Variants in ACAP3 observed in about 807,000 individuals in gnomAD.
ACAP3 encodes the protein arf-GAP with coiled-coil, ANK repeat and PH domain-containing protein 3.
Under a neutral mutation model 104.1 loss-of-function variants are expected in ACAP3, and 56 were observed. The observed-to-expected ratio is 0.54, with a 90% CI of 0.43 to 0.67. ACAP3 has a LOEUF of 0.67. ACAP3 is among the 30% of genes least tolerant of loss of function. The pLI, the probability that ACAP3 is intolerant of heterozygous loss-of-function variation, is 0.00. For synonymous variants in ACAP3, 628 were observed against 496.2 expected (o/e 1.27, Z -3.53); for missense variants, 1,208 against 1,174.9 (o/e 1.03, Z -0.41).
chr1:1,303,915 T>A lies in ACAP3; in HGVS notation c.105+171A>T. On this transcript the variant is annotated intron_variant, in intron 2 of 23. Coordinates refer to ENST00000354700, the MANE Select transcript of ACAP3 (RefSeq NM_030649.3). The surrounding 1 kb of genome is among the most constrained non-coding windows in gnomAD (Gnocchi z 4.0). The stretch of plus-strand genomic sequence containing the variant: ...GCCAGCCACATGTGTGCATGTGACA[T>A]GTGCACCCTGGAACACACATGCTAA... 3 of 781,440 alleles carry A rather than the reference T, an allele frequency of 3.8e-6. No individual in the cohort carries two copies. The highest frequency in any genetic ancestry group is 6.2e-6 in the Non-Finnish European group (3 of 487,428). 48.4% of individuals were successfully genotyped at this position (781,440 alleles called of 1,614,324 possible).
intron 4 of ACAP3, among the ~76,000 whole-genome samples, chr1:1,302,360 A>C (rs1641481445): frequency 6.6e-6 from 1 of 152,004 alleles, no homozygotes; most frequent in Non-Finnish European, 1.5e-5. Context: ...TGGGGTGCCC[A>C]TCCCTGCAGC....
chr1:1,293,951 A>AGGGGCGTGTCGGGGC lies in ACAP3; in HGVS notation c.2250-33_2250-19dup. On this transcript the variant is annotated intron_variant, in intron 22 of 23. Coordinates refer to ENST00000354700, the MANE Select transcript of ACAP3 (RefSeq NM_030649.3). ...AAACCTGGCTGAGGGGCGAGGTCGG[A>AGGGGCGTGTCGGGGC]GGGGCGTGTCGGGGCGGGGCGGGGC... 1 of 1,183,932 alleles carries AGGGGCGTGTCGGGGC rather than the reference A, an allele frequency of 8.4e-7. No homozygotes were observed. Among genetic ancestry groups the AGGGGCGTGTCGGGGC allele is most frequent in the Non-Finnish European group, 1.2e-6 (1 of 842,876 alleles). 73.3% of individuals were successfully genotyped at this position (1,183,932 alleles called of 1,614,324 possible). A position where few individuals can be genotyped will look rare whatever the true frequency, so the allele number is the denominator to read the frequency against.
chr1:1,303,522 G>T lies in ACAP3; in HGVS notation c.106-241C>A. On this transcript the variant is annotated intron_variant, in intron 2 of 23. Transcript: ENST00000354700. This position sits in a 1 kb window ranked among gnomAD's most constrained non-coding sequence, Gnocchi z 4.0. The stretch of plus-strand genomic sequence containing the variant: ...GCTGGGAGGGACCAGGAGCCAGGCA[G>T]GGGACCCAGGGCCAGCAGGACCAGC... 1.6e-6 allele frequency: 1 copy of T among 606,406 alleles called. No individual in the cohort carries two copies. The highest frequency in any genetic ancestry group is 2.0e-5 in the South Asian group (1 of 50,074). 37.6% of individuals were successfully genotyped at this position (606,406 alleles called of 1,614,324 possible). A position where few individuals can be genotyped will look rare whatever the true frequency, so the allele number is the denominator to read the frequency against.
chr1:1,299,199 C>A, intron 10 of ACAP3, 146 bp downstream of exon 10: 1 of 1,087,360 alleles, frequency 9.2e-7, no homozygotes, highest in Admixed American at 2.3e-5. Context: ...CCGGAGCCAG[C>A]CCCTCACAGC....
chr1:1,294,372 T>G, intron 21 of ACAP3, 30 bp downstream of exon 21: 1 of 1,551,014 alleles, frequency 6.4e-7, no homozygotes, highest in Non-Finnish European at 8.7e-7. Flanking sequence ...TGCACCTGTG[T>G]CCTGCGCGCA....
rs1641564335 is a variant in ACAP3 at position 1,303,899 on chromosome 1, A to G, written c.105+187T>C. The G allele has an allele frequency of 7.0e-6, 5 of 710,698 alleles. No homozygotes were observed. Among genetic ancestry groups the G allele is most frequent in the Middle Eastern group, 2.7e-4 (1 of 3,696 alleles). The allele number at this position is 710,698 out of a possible 1,614,324, so 44.0% of individuals were successfully genotyped here. ...TGGGACGAGACTCAGGGCCAGCCACATGTGTGCATGTGACATGTGCACCCT... is the reference window on the plus strand; with the variant it reads ...TGGGACGAGACTCAGGGCCAGCCACGTGTGTGCATGTGACATGTGCACCCT... On this transcript the variant is annotated intron_variant, in intron 2 of 23. Transcript: ENST00000354700. This position sits in a 1 kb window ranked among gnomAD's most constrained non-coding sequence, Gnocchi z 4.0.
Position 1,298,385 on chromosome 1 carries a change from G to A in ACAP3, c.900C>T (p.Tyr300=). The change falls in exon 12 of 24, where the codon TAC becomes TAT. Residue 300 remains tyrosine, a synonymous_variant. Coordinates refer to ENST00000354700, the MANE Select transcript of ACAP3 (RefSeq NM_030649.3). ...CAGGGCACACCTTGAGCTTCTTCTG[G>A]TAGACCAGCTGGCTGTTCTGAATGG... is the stretch of plus-strand genomic sequence containing the variant. ...WFSIQNSQLV[Y]QKKLKDALTV... 6.2e-7 allele frequency: 1 copy of A among 1,604,046 alleles called. No homozygotes were observed. The highest frequency in any genetic ancestry group is 8.5e-7 in the Non-Finnish European group (1 of 1,175,408).
In ACAP3 at chr1:1,302,949, G is replaced by A. The variant is rs776962348; in HGVS notation, c.252C>T (p.Ser84=). Residue 84 remains serine (S), a synonymous_variant, in exon 4 of 24, where the codon AGC becomes AGT. Transcript: ENST00000354700. ...TGTGGTAGTTCACCACCTCCTGTAGGCTGTCAGCGAACCTCTGCAGACATT... is the reference window on the plus strand; with the variant it reads ...TGTGGTAGTTCACCACCTCCTGTAGACTGTCAGCGAACCTCTGCAGACATT... ...ISECLQRFAD[S]LQEVVNYHMI... The A allele has an allele frequency of 1.2e-6, 2 of 1,611,764 alleles. No homozygotes were observed. The highest frequency in any genetic ancestry group is 2.2e-5 in the East Asian group (1 of 44,850).
At chr1:1,301,871 G>T in intron 5 of ACAP3, 117 bp downstream of exon 5, 2 of 983,452 alleles carry the variant, frequency 2.0e-6, no homozygotes, top group East Asian at 5.8e-5. Flanking sequence ...TTGTGGAGCC[G>T]CTGCACAGCC....
chr1:1,300,217 G>T lies in ACAP3; in HGVS notation c.523-15C>A, dbSNP rs778392163. 1 of 1,597,814 alleles carries T rather than the reference G, an allele frequency of 6.3e-7. No individual in the cohort carries two copies. Among genetic ancestry groups the T allele is most frequent in the Admixed American group, 1.7e-5 (1 of 58,730 alleles). On this transcript the variant is annotated splice_polypyrimidine_tract_variant and intron_variant, in intron 6 of 23. Transcript: ENST00000354700. The stretch of plus-strand genomic sequence containing the variant: ...AGAACATTGATCTGCCAGAGGGGGA[G>T]CCCACAGGTGAGCCCCGGAGGCTGA...
rs61559999 is a variant in ACAP3, at chr1:1,300,412, C to T, written c.522+97G>A. On this transcript the variant is annotated intron_variant, in intron 6 of 23. Coordinates refer to ENST00000354700, the MANE Select transcript of ACAP3 (RefSeq NM_030649.3). ...CACCCATGGGCAAAGCAAGAATCGT[C>T]ACTCCTGCTCAAAATCCCTCCAGTT... 12,523 of 1,363,610 alleles carry T rather than the reference C, an allele frequency of 9.2e-3. 881 individuals are homozygous for T. The African/African-American group carries it at 0.15, about 17-fold the overall frequency. 84.5% of individuals were successfully genotyped at this position (1,363,610 alleles called of 1,614,324 possible).
Position 1,303,249 on chromosome 1 carries a change from G to A in ACAP3, c.138C>T (p.Ala46=), listed in dbSNP as rs1367368945. 1.0e-5 allele frequency: 16 copies of A among 1,600,644 alleles called. No individual in the cohort carries two copies. The highest frequency in any genetic ancestry group is 4.0e-5 in the African/African-American group (3 of 74,736). The change falls in exon 3 of 24, where the codon GCC becomes GCT. Residue 46 remains alanine, a synonymous_variant. Coordinates refer to ENST00000354700, the MANE Select transcript of ACAP3 (RefSeq NM_030649.3). This position sits in a 1 kb window ranked among gnomAD's most constrained non-coding sequence, Gnocchi z 4.0. ...LVKLCSGMVE[A]GKAYVSTSRL... Reference sequence around the variant, plus strand: ...TGCTGGTGCTGACGTAGGCCTTACCGGCTTCCACCATGCCACTGCACAGCT... The same window carrying A: ...TGCTGGTGCTGACGTAGGCCTTACCAGCTTCCACCATGCCACTGCACAGCT...
In ACAP3 at chr1:1,299,165, C is replaced by A. The variant is rs568753041; in HGVS notation, c.750+180G>T. ...ATGGGAAGGGACAGCTGCCGCCAAC[C>A]CCACGGGGAATGTGGAGGTCTGGCC... On this transcript the variant is annotated intron_variant, in intron 10 of 23. Coordinates refer to ENST00000354700, the MANE Select transcript of ACAP3 (RefSeq NM_030649.3). 3.7e-6 allele frequency: 3 copies of A among 807,136 alleles called. No homozygotes were observed. In the East Asian group the frequency reaches 8.7e-5, roughly 23 times the overall value. The allele number at this position is 807,136 out of a possible 1,614,324, so 50.0% of individuals were successfully genotyped here. A position where few individuals can be genotyped will look rare whatever the true frequency, so the allele number is the denominator to read the frequency against.
Position 1,300,071 on chromosome 1 carries a change from G to A in ACAP3, c.568-3C>T, listed in dbSNP as rs373073216. On this transcript the variant is annotated splice_polypyrimidine_tract_variant and splice_region_variant and intron_variant, in intron 7 of 23. Transcript: ENST00000354700. ...TGGGCGTGCATGAAGGACAGCATCT[G>A]CGGGGGCAGCACAGGTGAGGCCCAA... 10 of 1,612,256 alleles carry A rather than the reference G, an allele frequency of 6.2e-6. No individual in the cohort carries two copies. The highest frequency in any genetic ancestry group is 1.7e-4 in the Middle Eastern group (1 of 6,058).
rs1170388107 is a variant in ACAP3 at position 1,293,629 on chromosome 1, G to A, written c.2440C>T (p.Pro814Ser). 2 of 1,490,656 alleles carry A rather than the reference G, an allele frequency of 1.3e-6. No individual in the cohort carries two copies. Among genetic ancestry groups the A allele is most frequent in the African/African-American group, 1.5e-5 (1 of 68,196 alleles). The allele number at this position is 1,490,656 out of a possible 1,614,324, so 92.3% of individuals were successfully genotyped here. A position where few individuals can be genotyped will look rare whatever the true frequency, so the allele number is the denominator to read the frequency against. ...PGPPGALAGS[P>S]TELQFRRCIQ... ...CACCTGCGGAACTGGAGCTCCGTGGGGCTGCCCGCCAGGGCGCCCGGGGGA... is the reference window on the plus strand; with the variant it reads ...CACCTGCGGAACTGGAGCTCCGTGGAGCTGCCCGCCAGGGCGCCCGGGGGA... The change falls in exon 24 of 24, where the codon CCC becomes TCC. Residue 814 changes from proline to serine, a missense_variant. By Grantham distance (74) the Pro-to-Ser change is moderately conservative (BLOSUM62 -1). Transcript: ENST00000354700.
At chr1:1,293,986 G>A in intron 22 of ACAP3, 53 bp from the exon 23 acceptor site, 5 of 1,467,502 alleles carry the variant, frequency 3.4e-6, no homozygotes, top group Non-Finnish European at 3.6e-6. Flanking sequence ...CGGGGCGAGT[G>A]TGGTCGCGGG....
intron 12 of ACAP3, 79 bp from the exon 13 acceptor site, chr1:1,298,192 A>C: frequency 6.4e-7 from 1 of 1,560,804 alleles, no homozygotes. Flanking sequence ...CACCTTGGAG[A>C]CCCGGAGGCC....
At position 1,294,468 on chromosome 1, in the gene ACAP3, C is replaced by G. The variant is rs1327903003; in HGVS notation, c.2073G>C (p.Gly691=). The change falls in exon 21 of 24, where the codon GGG becomes GGC. Residue 691 remains glycine (G), a synonymous_variant. Transcript: ENST00000354700. ...CCGCGTCCGCCCAGTTGACCTCGGC[C>G]CCGTGGGCCAGCGCCGCCGCCAGCG... ...LPALAAALAH[G]AEVNWADAED... is the part of the protein sequence containing the mutation. 2.6e-6 allele frequency: 4 copies of G among 1,560,598 alleles called. No individual in the cohort carries two copies. The East Asian group carries it at 9.6e-5, about 37-fold the overall frequency.
chr1:1,299,158 C>A, intron 10 of ACAP3, 187 bp downstream of exon 10: 1 of 763,464 alleles, frequency 1.3e-6, no homozygotes, highest in Non-Finnish European at 2.1e-6. Flanking sequence ...GGACAGCTGC[C>A]GCCAACCCCA....
Sources: gnomAD v4.1 joint callset for allele counts (sites outside exome capture counted in the v4.1 genomes callset) on GRCh38, gnomAD v4.1.1 for gene constraint, Gnocchi (gnomAD v3.1) non-coding constraint, MANE v1.5 for transcripts, NCBI Gene and HGNC (gene_info 2026-07-23, HGNC 2026-07-21) for gene names.